The following SLC12A5 variants were observed in gnomAD, a reference collection of about 807,000 sequenced individuals.
SLC12A5 encodes the protein solute carrier family 12 member 5.
In SLC12A5, 18 loss-of-function variants were observed where a neutral mutation model predicts 124.0. The observed-to-expected ratio is 0.15, with a 90% CI of 0.10 to 0.22. The LOEUF is 0.22. Ranked by LOEUF, SLC12A5 falls within the 10% of genes least tolerant of loss-of-function variation. The pLI, the probability that SLC12A5 is intolerant of heterozygous loss-of-function variation, is 1.00. For missense variants in SLC12A5, 867 were observed against 1,478.7 expected (o/e 0.59, Z 6.78); for synonymous variants, 589 against 568.0 (o/e 1.04, Z -0.53).
rs1345254214 is a variant in SLC12A5, at chr20:46,038,920, A to G, written c.613-1453A>G. 2.0e-5 allele frequency among the ~76,000 whole-genome samples: 3 copies of G among 152,236 alleles called. No homozygotes were observed. In the East Asian group the frequency reaches 5.8e-4, roughly 29 times the overall value. ...GGGGCATGAAAGGCCTGAGGAGGCA[A>G]ATGATGAGGGAGAATAGACCTCCAT... On this transcript the variant is annotated intron_variant, in intron 6 of 25. Coordinates refer to ENST00000243964, the MANE Select transcript of SLC12A5 (RefSeq NM_020708.5).
At chr20:46,029,779 C>T (rs2084429548) in intron 1 of SLC12A5, among the ~76,000 whole-genome samples, 1 of 152,134 alleles carries the variant, frequency 6.6e-6, no homozygotes. Flanking sequence ...GCAGAGCAGG[C>T]ACCCGTGGAG....
chr20:46,031,801 G>GC (rs2084452337), intron 1 of SLC12A5, among the ~76,000 whole-genome samples: 1 of 152,196 alleles, frequency 6.6e-6, no homozygotes, highest in Non-Finnish European at 1.5e-5. Flanking sequence ...GGCGGGGAGG[G>GC]CTCAGCCTCA....
At chr20:46,046,557 T>C (rs1353212808) in intron 14 of SLC12A5, 121 bp downstream of exon 14, 1 of 782,498 alleles carries the variant, frequency 1.3e-6, no homozygotes, top group Non-Finnish European at 2.1e-6. Flanking sequence ...GACATCCTTT[T>C]TTCTCCAGCT....
chr20:46,021,752 C>G (rs975817546), upstream of SLC12A5: 111 of 1,534,356 alleles, frequency 7.2e-5, no homozygotes, highest in Admixed American at 2.1e-3. Flanking sequence ...GGCCGCCTGG[C>G]TCCTTTCCGC....
upstream of SLC12A5, chr20:46,028,998 C>T: frequency 1.0e-5 from 5 of 496,082 alleles, no homozygotes; most frequent in South Asian, 2.9e-4. Flanking sequence ...ATCCCACCCA[C>T]GCAATCCCCC....
In SLC12A5 at chr20:46,035,418, C is replaced by T. The variant is rs778243278; in HGVS notation, c.162C>T (p.Thr54=). The T allele has an allele frequency of 5.6e-6, 9 of 1,613,212 alleles. No homozygotes were observed. Among genetic ancestry groups the T allele is most frequent in the Middle Eastern group, 1.7e-4 (1 of 5,994 alleles). ...NMALFEEEMD[T]SPMVSSLLSG... ...TCCCTCCATAGGAGGAGATGGACAC[C>T]AGCCCTATGGTGTCCTCCTTGCTCA... The change falls in exon 3 of 26, where the codon ACC becomes ACT. Residue 54 remains threonine (T), a synonymous_variant. Coordinates refer to ENST00000243964, the MANE Select transcript of SLC12A5 (RefSeq NM_020708.5).
chr20:46,057,683 C>A lies in SLC12A5; in HGVS notation c.*78C>A. On this transcript the variant is annotated 3_prime_UTR_variant, in exon 26 of 26. Coordinates refer to ENST00000243964, the MANE Select transcript of SLC12A5 (RefSeq NM_020708.5). The surrounding 1 kb of genome is among the most constrained non-coding windows in gnomAD (Gnocchi z 7.1). ...CCCTCGCCGCGCCCCCCGCCGCTGT[C>A]ACCGTTTACATACAGACCCTGTGCC... is the stretch of plus-strand genomic sequence containing the variant. 1 of 1,111,812 alleles carries A rather than the reference C, an allele frequency of 9.0e-7. No individual in the cohort carries two copies. 68.9% of individuals were successfully genotyped at this position (1,111,812 alleles called of 1,614,324 possible).
chr20:46,051,630 C>T (rs917082936), intron 17 of SLC12A5, 45 bp from the exon 18 acceptor site: 11 of 1,560,066 alleles, frequency 7.1e-6, no homozygotes, highest in African/African-American at 4.2e-5. Flanking sequence ...CCAGCCAGGG[C>T]CAGGGAGGCC....
chr20:46,043,747 G>A lies in SLC12A5; in HGVS notation c.1336+16G>A. 1 of 1,614,112 alleles carries A rather than the reference G, an allele frequency of 6.2e-7. No individual in the cohort carries two copies. Among genetic ancestry groups the A allele is most frequent in the Non-Finnish European group, 8.5e-7 (1 of 1,179,984 alleles). On this transcript the variant is annotated intron_variant, in intron 10 of 25. Coordinates refer to ENST00000243964, the MANE Select transcript of SLC12A5 (RefSeq NM_020708.5). ...TCTGCTGTCTGTATCCTGCACAGCT[G>A]TGCTGGGACCACCCTCGGGGGAGGG...
At position 46,046,389 on chromosome 20, in the gene SLC12A5, G is replaced by A. The variant is rs200135706; in HGVS notation, c.1740G>A (p.Thr580=). The part of the protein sequence containing the change: ...MFVNLACAVQ[T]LLRTPNWRPR... ...TGAATCTGGCCTGTGCAGTGCAGAC[G>A]CTGCTGAGGACACCCAACTGGAGGC... Residue 580 remains threonine (T), a synonymous_variant, in exon 14 of 26, where the codon ACG becomes ACA. Transcript: ENST00000243964. 34 of 1,614,034 alleles carry A rather than the reference G, an allele frequency of 2.1e-5. No individual in the cohort carries two copies. Among genetic ancestry groups the A allele is most frequent in the Middle Eastern group, 1.6e-4 (1 of 6,084 alleles).
At chr20:46,042,028 A>T (rs1277613595) in intron 8 of SLC12A5, among the ~76,000 whole-genome samples, 1 of 152,158 alleles carries the variant, frequency 6.6e-6, no homozygotes, top group East Asian at 1.9e-4. Context: ...CTATGAGAGG[A>T]GTAAGGAAAT....
rs201525976 is a variant in SLC12A5 at position 46,051,869 on chromosome 20, T to A, written c.2376T>A (p.Ile792=). The A allele has an allele frequency of 2.5e-6, 3 of 1,208,086 alleles. No homozygotes were observed. The African/African-American group carries it at 5.8e-5, about 24-fold the overall frequency. 74.8% of individuals were successfully genotyped at this position (1,208,086 alleles called of 1,614,324 possible). A position where few individuals can be genotyped will look rare whatever the true frequency, so the allele number is the denominator to read the frequency against. Residue 792 remains isoleucine, a splice_region_variant and synonymous_variant, in exon 18 of 26, where the codon ATT becomes ATA. Coordinates refer to ENST00000243964, the MANE Select transcript of SLC12A5 (RefSeq NM_020708.5). ...KEDHQTWRNF[I]ELVRETTAGH... ...ATCATCAGACGTGGAGGAACTTCAT[T>A]GGTAACGCTATTGGGGGCTGGGGAC...
At chr20:46,029,753 A>T (rs1212738333) in intron 1 of SLC12A5, among the ~76,000 whole-genome samples, 1 of 151,498 alleles carries the variant, frequency 6.6e-6, no homozygotes, top group African/African-American at 2.4e-5. Context: ...CCGACAGGGG[A>T]CCCCGGCGTC....
Position 46,056,985 on chromosome 20 carries a change from A to T in SLC12A5, c.3125+74A>T. The T allele has an allele frequency of 6.2e-7, 1 of 1,607,936 alleles. No individual in the cohort carries two copies. The highest frequency in any genetic ancestry group is 1.1e-5 in the South Asian group (1 of 90,930). On this transcript the variant is annotated intron_variant, in intron 24 of 25. Transcript: ENST00000243964. This position sits in a 1 kb window ranked among gnomAD's most constrained non-coding sequence, Gnocchi z 4.3. ...CCCTACCCTCCTCACTCTGTTGTGAACCCCTAATTGGTGCCACGACCTCTG... is the reference window on the plus strand; with the variant it reads ...CCCTACCCTCCTCACTCTGTTGTGATCCCCTAATTGGTGCCACGACCTCTG...
At position 46,053,806 on chromosome 20, in the gene SLC12A5, A is replaced by C; in HGVS notation, c.2679+97A>C. 7.5e-7 allele frequency: 1 copy of C among 1,326,312 alleles called. No individual in the cohort carries two copies. The allele number at this position is 1,326,312 out of a possible 1,614,324, so 82.2% of individuals were successfully genotyped here. A position where few individuals can be genotyped will look rare whatever the true frequency, so the allele number is the denominator to read the frequency against. On this transcript the variant is annotated intron_variant, in intron 20 of 25. Coordinates refer to ENST00000243964, the MANE Select transcript of SLC12A5 (RefSeq NM_020708.5). This position sits in a 1 kb window ranked among gnomAD's most constrained non-coding sequence, Gnocchi z 4.7. ...CAACTCTAACACCCATCAGCTTATG[A>C]TGCTGGATCCTTTCCCCCTCATCCA...
At chr20:46,024,769 C>T (rs1383640734), upstream of SLC12A5, among the ~76,000 whole-genome samples, 1 of 152,254 alleles carries the variant, frequency 6.6e-6, no homozygotes, top group Non-Finnish European at 1.5e-5. Flanking sequence ...GCGGGCCACA[C>T]ACCTCACTTG....
At chr20:46,055,608 A>G (rs2084682520) in intron 21 of SLC12A5, among the ~76,000 whole-genome samples, 1 of 152,130 alleles carries the variant, frequency 6.6e-6, no homozygotes, top group African/African-American at 2.4e-5. Flanking sequence ...GTGTTACCCC[A>G]GCTGGGGACA....
At chr20:46,050,682 T>C (rs2084639147) in intron 17 of SLC12A5, among the ~76,000 whole-genome samples, 1 of 152,172 alleles carries the variant, frequency 6.6e-6, no homozygotes, top group South Asian at 2.1e-4. Flanking sequence ...TGGCTGAGAA[T>C]GTGCAGTGCA....
chr20:46,022,237 A>C (rs997315871), intron 1 of SLC12A5, among the ~76,000 whole-genome samples: 1 of 150,706 alleles, frequency 6.6e-6, no homozygotes, highest in Admixed American at 6.6e-5. Flanking sequence ...GGACATCTCG[A>C]GTAGGGAGCG....
Sources: gnomAD v4.1 joint callset for allele counts (sites outside exome capture counted in the v4.1 genomes callset) on GRCh38, gnomAD v4.1.1 for gene constraint, Gnocchi (gnomAD v3.1) non-coding constraint, MANE v1.5 for transcripts, NCBI Gene and HGNC (gene_info 2026-07-23, HGNC 2026-07-21) for gene names.